ABCB5: variants seen among roughly 807,000 people sequenced by gnomAD.
ABCB5 encodes ATP-binding cassette sub-family B member 5.
In ABCB5, 155 loss-of-function variants were observed where a neutral mutation model predicts 144.2. The ratio of observed to expected loss-of-function variants is 1.08; its 90% CI spans 0.94 to 1.23. The LOEUF is 1.23. Ranked by LOEUF, ABCB5 falls within the 50% of genes most tolerant of loss-of-function variation. ABCB5 has a pLI of 0.00. For synonymous variants in ABCB5, 610 were observed against 528.6 expected, an observed-to-expected ratio of 1.15 and a Z score of -2.11; for missense variants, 1,830 against 1,520.8, an observed-to-expected ratio of 1.20 and a Z score of -3.38.
intron 5 of ABCB5, 115 bp from the exon 6 acceptor site, chr7:20,643,069 C>G (rs892061360): frequency 3.5e-6 from 3 of 868,894 alleles, no homozygotes; most frequent in South Asian, 3.8e-5. Context: ...ATTTTTAGTT[C>G]TTTTTCTAGT....
chr7:20,680,374 C>T (rs1447154094), intron 14 of ABCB5, among the ~76,000 whole-genome samples: 2 of 151,820 alleles, frequency 1.3e-5, no homozygotes, highest in African/African-American at 4.8e-5. Flanking sequence ...CTGGCTAACA[C>T]GGTGAAACCC....
intron 2 of ABCB5, among the ~76,000 whole-genome samples, chr7:20,625,105 C>T (rs538917932): frequency 6.6e-6 from 1 of 152,204 alleles, no homozygotes; most frequent in Non-Finnish European, 1.5e-5. Flanking sequence ...GCTTCAAAAT[C>T]CGCATCTAGA....
chr7:20,640,710 A>T (rs894066264), intron 5 of ABCB5, among the ~76,000 whole-genome samples: 2 of 152,228 alleles, frequency 1.3e-5, no homozygotes, highest in African/African-American at 4.8e-5. Context: ...GTCCATAAAT[A>T]ACCATGAAAA....
At chr7:20,629,432 C>T (rs887866436) in intron 4 of ABCB5, among the ~76,000 whole-genome samples, 1 of 152,072 alleles carries the variant, frequency 6.6e-6, no homozygotes, top group Non-Finnish European at 1.5e-5. Context: ...ACGCTTGGGC[C>T]ATCCCAGGCC....
chr7:20,685,199 C>T (rs1387783459), intron 15 of ABCB5, among the ~76,000 whole-genome samples: 2 of 152,066 alleles, frequency 1.3e-5, no homozygotes, highest in African/African-American at 4.8e-5. Flanking sequence ...GAGGAGTAGG[C>T]CCTGTTAGTT....
intron 14 of ABCB5, chr7:20,666,758 G>GA (rs1785208692): frequency 1.3e-6 from 2 of 1,597,524 alleles, no homozygotes; most frequent in South Asian, 2.3e-5. Flanking sequence ...GTATTTTCTA[G>GA]AAAAAATAAT....
At chr7:20,653,223 T>C (rs1179750429) in intron 13 of ABCB5, among the ~76,000 whole-genome samples, 1 of 152,152 alleles carries the variant, frequency 6.6e-6, no homozygotes, top group African/African-American at 2.4e-5. Context: ...TACACAAAGA[T>C]GTCCCTTGCT....
Position 20,743,040 on chromosome 7 carries a change from T to C in ABCB5, c.3188T>C (p.Leu1063Pro), listed in dbSNP as rs1369684402. 1.9e-6 allele frequency: 3 copies of C among 1,614,008 alleles called. No individual in the cohort carries two copies. Among genetic ancestry groups the C allele is most frequent in the African/African-American group, 1.3e-5 (1 of 74,934 alleles). ...GCGKSTSVQL[L>P]QRLYDPVQGQ... ...GGGAAAAGCACTTCTGTTCAACTTC[T>C]GCAGAGACTTTATGACCCCGTGCAA... is the stretch of plus-strand genomic sequence containing the variant. Residue 1063 changes from leucine (L) to proline (P), a missense_variant, in exon 25 of 28, where the codon CTG becomes CCG. By Grantham distance (98) the Leu-to-Pro change is moderately conservative (BLOSUM62 -3). Coordinates refer to ENST00000404938, the MANE Select transcript of ABCB5 (RefSeq NM_001163941.2).
intron 20 of ABCB5, among the ~76,000 whole-genome samples, chr7:20,710,384 G>GT (rs201430407): frequency 0.013 from 1,152 of 87,292 alleles, 150 homozygotes; most frequent in African/African-American, 0.051. Context: ...AAAAAAAAGT[G>GT]GGGGGGGGGC....
chr7:20,633,960 C>T (rs192984107), intron 5 of ABCB5, among the ~76,000 whole-genome samples: 13 of 152,032 alleles, frequency 8.6e-5, no homozygotes, highest in Middle Eastern at 3.4e-3. Flanking sequence ...TTTTGTGTAG[C>T]CATGACCCAA....
chr7:20,755,623 G>A lies in ABCB5; in HGVS notation c.3773G>A (p.Ter1258=). 6.2e-7 allele frequency: 1 copy of A among 1,613,460 alleles called. No individual in the cohort carries two copies. The highest frequency in any genetic ancestry group is 1.3e-5 in the African/African-American group (1 of 75,046). ...TTAGTGAATGCACAGTCAGTGCAGT[G>A]ATGCTGTTGAGGTAGCACATATTTT... ...FKLVNAQSVQ[*] Residue 1258 remains the stop codon, a stop_retained_variant, in exon 28 of 28, where the codon TGA becomes TAA. Coordinates refer to ENST00000404938, the MANE Select transcript of ABCB5 (RefSeq NM_001163941.2).
Position 20,681,386 on chromosome 7 carries a change from C to G in ABCB5, c.1708-119C>G, listed in dbSNP as rs1020013229. The G allele has an allele frequency of 4.3e-6, 5 of 1,175,024 alleles. No individual in the cohort carries two copies. The Admixed American group carries it at 1.2e-4, about 29-fold the overall frequency. The allele number at this position is 1,175,024 out of a possible 1,614,324, so 72.8% of individuals were successfully genotyped here. A position where few individuals can be genotyped will look rare whatever the true frequency, so the allele number is the denominator to read the frequency against. On this transcript the variant is annotated intron_variant, in intron 14 of 27. Transcript: ENST00000404938. The stretch of plus-strand genomic sequence containing the variant: ...AGGTGATCCACCCTCCTCGGCCTCC[C>G]AAAGTGCTGGAATTACAGGCATGAG...
At chr7:20,620,776 C>T (rs926167520) in intron 1 of ABCB5, among the ~76,000 whole-genome samples, 5 of 152,078 alleles carry the variant, frequency 3.3e-5, no homozygotes, top group African/African-American at 1.2e-4. Flanking sequence ...AATTGAAAGC[C>T]TTGTACATTG....
intron 23 of ABCB5, among the ~76,000 whole-genome samples, chr7:20,732,272 C>T (rs550507525): frequency 6.6e-6 from 1 of 152,310 alleles, no homozygotes; most frequent in East Asian, 1.9e-4. Context: ...TAAGTCCACT[C>T]CTCAGAGGGA....
At chr7:20,748,046 A>G (rs1782785162) in intron 26 of ABCB5, among the ~76,000 whole-genome samples, 1 of 152,232 alleles carries the variant, frequency 6.6e-6, no homozygotes, top group African/African-American at 2.4e-5. Flanking sequence ...ACCGCATTTT[A>G]CAGATAAAGA....
In ABCB5 at chr7:20,713,833, A is replaced by C. The variant is rs1781577890; in HGVS notation, c.2421+9026A>C. Reference sequence around the variant, plus strand: ...CTGACATGTATGCACTACTCAGCTGAATACTCAAGAAGGACCCTCTGCAGA... The same window carrying C: ...CTGACATGTATGCACTACTCAGCTGCATACTCAAGAAGGACCCTCTGCAGA... On this transcript the variant is annotated intron_variant, in intron 20 of 27. Coordinates refer to ENST00000404938, the MANE Select transcript of ABCB5 (RefSeq NM_001163941.2). Among the ~76,000 whole-genome samples the C allele has an allele frequency of 1.3e-5, 2 of 149,452 alleles. 1 individual carries two copies.
chr7:20,620,281 G>C (rs1299188701), intron 1 of ABCB5, among the ~76,000 whole-genome samples: 1 of 152,052 alleles, frequency 6.6e-6, no homozygotes, highest in Non-Finnish European at 1.5e-5. Context: ...CTAATCATAA[G>C]TGTGAAAATT....
chr7:20,670,251 G>A (rs1040470150), intron 14 of ABCB5, among the ~76,000 whole-genome samples: 9 of 152,020 alleles, frequency 5.9e-5, no homozygotes, highest in Admixed American at 6.5e-5. Flanking sequence ...AGATAATGAT[G>A]TGTCAATAGT....
Position 20,643,391 on chromosome 7 carries a change from T to A in ABCB5, c.506+16T>A. The stretch of plus-strand genomic sequence containing the variant: ...GCATGACAGAGTAAGAGGATGATAT[T>A]GTAGTACGTTAGCTTTGTTTTCATA... On this transcript the variant is annotated intron_variant, in intron 6 of 27. Coordinates refer to ENST00000404938, the MANE Select transcript of ABCB5 (RefSeq NM_001163941.2). 1 of 1,613,558 alleles carries A rather than the reference T, an allele frequency of 6.2e-7. No individual in the cohort carries two copies. The highest frequency in any genetic ancestry group is 8.5e-7 in the Non-Finnish European group (1 of 1,179,454).
Sources: allele counts gnomAD v4.1 joint callset (sites outside exome capture counted in the v4.1 genomes callset), GRCh38; gene constraint gnomAD v4.1.1; transcripts MANE v1.5; gene names NCBI Gene and HGNC (gene_info 2026-07-23, HGNC 2026-07-21).